The following KEL variants were observed in gnomAD, a reference collection of about 807,000 sequenced individuals.
KEL encodes the protein kell blood group glycoprotein.
KEL carries 96 observed loss-of-function variants against 99.5 expected under a neutral mutation model. The ratio of observed to expected loss-of-function variants is 0.97; its 90% CI spans 0.82 to 1.14. The LOEUF is 1.14. Ranked by LOEUF, KEL falls within the 50% of genes most tolerant of loss-of-function variation. The pLI, the probability that KEL is intolerant of heterozygous loss-of-function variation, is 0.00. For synonymous variants in KEL, 355 were observed against 354.8 expected (o/e 1.00, Z -0.01); for missense variants, 926 against 924.2 (o/e 1.00, Z -0.03).
chr7:142,952,655 G>A lies in KEL; in HGVS notation c.1074-17C>T, dbSNP rs752407007. ...AGAAAGTCCCTATGGAGACAAAAGAGACCCACACATATACCCCAGGAATCT... is the reference window on the plus strand; with the variant it reads ...AGAAAGTCCCTATGGAGACAAAAGAAACCCACACATATACCCCAGGAATCT... On this transcript the variant is annotated splice_polypyrimidine_tract_variant and intron_variant, in intron 9 of 18. Transcript: ENST00000355265. 1 of 1,613,700 alleles carries A rather than the reference G, an allele frequency of 6.2e-7. No homozygotes were observed.
chr7:142,944,213 C>T (rs1003602705), intron 13 of KEL, 110 bp downstream of exon 13: 9 of 900,558 alleles, frequency 1.0e-5, no homozygotes, highest in Non-Finnish European at 1.5e-5. Flanking sequence ...AGAGTAAGGA[C>T]AGAGCTAAGT....
At chr7:142,944,990 T>G in intron 11 of KEL, 1 of 578,308 alleles carries the variant, frequency 1.7e-6, no homozygotes, top group Non-Finnish European at 3.1e-6. Context: ...ATAGTTCCTT[T>G]CCATGGGGAA....
chr7:142,944,839 C>T (rs771943898), intron 11 of KEL, 98 bp from the exon 12 acceptor site: 7 of 917,010 alleles, frequency 7.6e-6, no homozygotes, highest in African/African-American at 1.6e-5. Context: ...GGCTTGGCCC[C>T]AAGGAGCTGC....
At chr7:142,944,542 C>CT in intron 12 of KEL, 101 bp downstream of exon 12, 4 of 1,206,236 alleles carry the variant, frequency 3.3e-6, no homozygotes, top group South Asian at 1.2e-5. Flanking sequence ...TAGCATGTGC[C>CT]TGGGGGGGCC....
Position 142,954,185 on chromosome 7 carries a change from T to C in KEL, c.923A>G (p.Lys308Arg), listed in dbSNP as rs1562962327. ...LFQMVTIDQL[K>R]EMAPAIDWLS... ...CTTCTGGCCCCCAGTTCCAGGCACCTTGAGCTGGTCGATAGTGACCATCTG... is the reference window on the plus strand; with the variant it reads ...CTTCTGGCCCCCAGTTCCAGGCACCCTGAGCTGGTCGATAGTGACCATCTG... Residue 308 changes from lysine (K) to arginine (R), a missense_variant and splice_region_variant, in exon 8 of 19, where the codon AAG becomes AGG. By Grantham distance (26) the Lys-to-Arg change is conservative. Coordinates refer to ENST00000355265, the MANE Select transcript of KEL (RefSeq NM_000420.3). 2.5e-6 allele frequency: 4 copies of C among 1,609,022 alleles called. No homozygotes were observed.
intron 11 of KEL, 103 bp from the exon 12 acceptor site, chr7:142,944,844 A>G (rs1488515570): frequency 7.9e-6 from 7 of 885,384 alleles, no homozygotes; most frequent in Non-Finnish European, 1.3e-5. Context: ...GGCCCCAAGG[A>G]GCTGCCTGGG....
chr7:142,955,777 A>G (rs528253427), intron 6 of KEL, among the ~76,000 whole-genome samples: 223 of 152,276 alleles, frequency 1.5e-3, no homozygotes, highest in Non-Finnish European at 1.7e-3. Flanking sequence ...GCTACATTGT[A>G]TGTCCACAGT....
At chr7:142,944,162 C>T (rs191658337) in intron 13 of KEL, among the ~76,000 whole-genome samples, 161 bp downstream of exon 13, 21 of 152,296 alleles carry the variant, frequency 1.4e-4, no homozygotes, top group East Asian at 1.3e-3. Flanking sequence ...GCCAGCAAGA[C>T]GTACAGTGTG....
At chr7:142,954,022 T>A in intron 8 of KEL, 66 bp from the exon 9 acceptor site, 1 of 1,593,742 alleles carries the variant, frequency 6.3e-7, no homozygotes, top group South Asian at 1.1e-5. Flanking sequence ...GGGCTTCCCC[T>A]TGGGTGTGAG....
intron 10 of KEL, among the ~76,000 whole-genome samples, chr7:142,948,899 G>GACACACACACAC (rs72104159): frequency 0.061 from 8,617 of 142,144 alleles, 547 homozygotes; most frequent in African/African-American, 0.17. Flanking sequence ...AAGCTTCACA[G>GACACACACACAC]ACACACACAC....
intron 4 of KEL, 136 bp downstream of exon 4, chr7:142,960,792 C>A (rs1796935834): frequency 1.1e-6 from 1 of 936,914 alleles, no homozygotes; most frequent in Non-Finnish European, 1.8e-6. Context: ...CATCTCCAAT[C>A]ATCCACCCGT....
chr7:142,948,269 G>A (rs1207500900), intron 10 of KEL, among the ~76,000 whole-genome samples: 1 of 152,084 alleles, frequency 6.6e-6, no homozygotes, highest in Non-Finnish European at 1.5e-5. Context: ...GAGTCAGAGA[G>A]AGAAAGAGAG....
At chr7:142,946,682 A>T in intron 10 of KEL, 1 of 318,506 alleles carries the variant, frequency 3.1e-6, no homozygotes. Flanking sequence ...CCACCACTCT[A>T]CTCCGGGGTC....
At chr7:142,948,116 C>G (rs1192201129) in intron 10 of KEL, among the ~76,000 whole-genome samples, 1 of 151,966 alleles carries the variant, frequency 6.6e-6, no homozygotes, top group African/African-American at 2.4e-5. Context: ...TCCTGATGCC[C>G]TTTGCTGGAG....
chr7:142,953,466 G>T, intron 9 of KEL: 1 of 849,896 alleles, frequency 1.2e-6, no homozygotes, highest in Non-Finnish European at 1.4e-6. Flanking sequence ...ACACTTAACT[G>T]TCTTCTGTGT....
At chr7:142,942,817 A>C in intron 17 of KEL, 58 bp downstream of exon 17, 4 of 1,588,004 alleles carry the variant, frequency 2.5e-6, no homozygotes, top group Non-Finnish European at 3.5e-6. Flanking sequence ...GGAAAACTTG[A>C]GGACATGTTT....
In KEL at chr7:142,954,284, G is replaced by A. The variant is rs746723170; in HGVS notation, c.824C>T (p.Ser275Leu). Residue 275 changes from serine to leucine, a missense_variant, in exon 8 of 19, where the codon TCA (serine) becomes TTA (leucine). Physicochemically the swap from Ser to Leu is moderately radical, Grantham distance 145 (BLOSUM62 -2). Coordinates refer to ENST00000355265, the MANE Select transcript of KEL (RefSeq NM_000420.3). ...PSKVQEHSSL[S>L]ISITSRLFQF... is the part of the protein sequence containing the mutation. ...GAACAGCCGTGAAGTGATGGAGATT[G>A]ACAAGGAAGAGTGTTCTTGCACCTT... 6.2e-7 allele frequency: 1 copy of A among 1,614,102 alleles called. No individual in the cohort carries two copies. Among genetic ancestry groups the A allele is most frequent in the Non-Finnish European group, 8.5e-7 (1 of 1,179,994 alleles).
intron 4 of KEL, among the ~76,000 whole-genome samples, chr7:142,959,076 A>C (rs1796896719): frequency 6.6e-6 from 1 of 152,202 alleles, no homozygotes; most frequent in Admixed American, 6.5e-5. Flanking sequence ...TGCCCCAGCC[A>C]CCTTGGGCAC....
At chr7:142,942,646 T>G in intron 17 of KEL, 117 bp from the exon 18 acceptor site, 1 of 883,212 alleles carries the variant, frequency 1.1e-6, no homozygotes, top group South Asian at 1.4e-5. Flanking sequence ...CACTGACTAG[T>G]TGATCTGAGC....
Sources: gnomAD v4.1 joint callset for allele counts (sites outside exome capture counted in the v4.1 genomes callset) on GRCh38, gnomAD v4.1.1 for gene constraint, MANE v1.5 for transcripts, NCBI Gene and HGNC (gene_info 2026-07-23, HGNC 2026-07-21) for gene names.